ATXN2: variants seen among roughly 807,000 people sequenced by gnomAD.
The protein encoded by ATXN2 is ataxin-2.
In ATXN2, 37 loss-of-function variants were observed where a neutral mutation model predicts 138.6. The ratio of observed to expected loss-of-function variants is 0.27; its 90% CI spans 0.21 to 0.35. ATXN2 has a LOEUF of 0.35. ATXN2 is among the 10% of genes least tolerant of loss of function. ATXN2 has a pLI of 1.00. For missense variants in ATXN2, 1,216 were observed against 1,480.3 expected (o/e 0.82, Z 2.93); for synonymous variants, 549 against 543.7 (o/e 1.01, Z -0.13).
chr12:111,598,682 C>T lies in ATXN2; in HGVS notation c.251+102G>A. On this transcript the variant is annotated intron_variant, in intron 1 of 24. Coordinates refer to ENST00000673436, the MANE Select transcript of ATXN2 (RefSeq NM_001372574.1). This position sits in a 1 kb window ranked among gnomAD's most constrained non-coding sequence, Gnocchi z 4.5. Reference sequence around the variant, plus strand: ...CCCCGCGCTGCCGGCCCCCAGCCCACCCCGGGTAGCCCGGCGGGTCACGGG... The same window carrying T: ...CCCCGCGCTGCCGGCCCCCAGCCCATCCCGGGTAGCCCGGCGGGTCACGGG... The T allele has an allele frequency of 1.1e-6, 1 of 883,734 alleles. No homozygotes were observed. Among genetic ancestry groups the T allele is most frequent in the East Asian group, 8.8e-5 (1 of 11,394 alleles). 54.7% of individuals were successfully genotyped at this position (883,734 alleles called of 1,614,324 possible). A position where few individuals can be genotyped will look rare whatever the true frequency, so the allele number is the denominator to read the frequency against.
chr12:111,508,567 C>T (rs1297971495), intron 14 of ATXN2, among the ~76,000 whole-genome samples: 1 of 150,700 alleles, frequency 6.6e-6, no homozygotes, highest in Non-Finnish European at 1.5e-5. Context: ...CTGCCTCAGC[C>T]TGCCAAGTAG....
At chr12:111,560,837 G>A (rs1436672635) in intron 1 of ATXN2, among the ~76,000 whole-genome samples, 3 of 151,900 alleles carry the variant, frequency 2.0e-5, no homozygotes, top group African/African-American at 7.2e-5. Context: ...GAAATTGCTT[G>A]TATAACCAGA....
chr12:111,575,619 C>T (rs1320676821), intron 1 of ATXN2, among the ~76,000 whole-genome samples: 1 of 152,226 alleles, frequency 6.6e-6, no homozygotes, highest in East Asian at 1.9e-4. Flanking sequence ...TATACTACCA[C>T]ATAAGCTCCA....
At chr12:111,549,282 T>C (rs1181801990) in intron 5 of ATXN2, among the ~76,000 whole-genome samples, 1 of 151,938 alleles carries the variant, frequency 6.6e-6, no homozygotes, top group Non-Finnish European at 1.5e-5. Flanking sequence ...AAAAAAAATC[T>C]AGATGCAGTA....
chr12:111,554,328 T>C (rs920323458), intron 2 of ATXN2, 111 bp from the exon 3 acceptor site: 2 of 671,914 alleles, frequency 3.0e-6, no homozygotes, highest in African/African-American at 3.8e-5. Context: ...TTTTCGGATT[T>C]GGGGATATTT....
intron 5 of ATXN2, among the ~76,000 whole-genome samples, chr12:111,527,855 G>A (rs561104165): frequency 8.5e-5 from 13 of 152,288 alleles, no homozygotes; most frequent in South Asian, 2.1e-4. Flanking sequence ...CCTGAATCAC[G>A]TTCTTCTCTA....
chr12:111,597,682 A>T, intron 1 of ATXN2: 1 of 489,540 alleles, frequency 2.0e-6, no homozygotes, highest in Non-Finnish European at 3.9e-6. Context: ...AGCCGGGACA[A>T]CACTGAGCCC....
At chr12:111,590,599 C>G (rs188702040) in intron 1 of ATXN2, among the ~76,000 whole-genome samples, 1 of 151,722 alleles carries the variant, frequency 6.6e-6, no homozygotes, top group Non-Finnish European at 1.5e-5. Flanking sequence ...GCAGGAGAAT[C>G]GCTTGAACCC....
intron 14 of ATXN2, among the ~76,000 whole-genome samples, chr12:111,502,899 G>A (rs1442826747): frequency 6.6e-6 from 1 of 152,008 alleles, no homozygotes; most frequent in East Asian, 1.9e-4. Flanking sequence ...ATATCTCATC[G>A]AGCTCTCACA....
intron 5 of ATXN2, among the ~76,000 whole-genome samples, chr12:111,527,303 C>A (rs1880555961): frequency 6.6e-6 from 1 of 152,148 alleles, no homozygotes; most frequent in Admixed American, 6.5e-5. Flanking sequence ...CTGTTCCTTC[C>A]CAGTACTGTA....
intron 14 of ATXN2, among the ~76,000 whole-genome samples, chr12:111,495,804 T>C (rs1878387092): frequency 6.6e-6 from 1 of 152,118 alleles, no homozygotes; most frequent in African/African-American, 2.4e-5. Flanking sequence ...CTCCTCAACA[T>C]ATGGATTGCT....
At chr12:111,462,768 G>A (rs1402769911) in intron 21 of ATXN2, among the ~76,000 whole-genome samples, 1 of 152,154 alleles carries the variant, frequency 6.6e-6, no homozygotes, top group African/African-American at 2.4e-5. Context: ...CAGTAAGATG[G>A]TGAGGATAAC....
intron 14 of ATXN2, among the ~76,000 whole-genome samples, chr12:111,501,388 G>A (rs1050614906): frequency 6.6e-6 from 1 of 152,170 alleles, no homozygotes; most frequent in African/African-American, 2.4e-5. Context: ...CTAAGCCACA[G>A]GTTAGGACAA....
chr12:111,466,737 T>C (rs555895039), intron 20 of ATXN2, among the ~76,000 whole-genome samples: 6 of 152,312 alleles, frequency 3.9e-5, no homozygotes, highest in Non-Finnish European at 5.9e-5. Flanking sequence ...GCTATGGCTA[T>C]AACAATTAAT....
At chr12:111,522,232 A>T (rs1305219372) in intron 6 of ATXN2, among the ~76,000 whole-genome samples, 13 of 125,948 alleles carry the variant, frequency 1.0e-4, no homozygotes, top group African/African-American at 7.4e-4. Flanking sequence ...CCTACATAAA[A>T]AAAAAAAAAA....
At chr12:111,472,851 G>A (rs1247197477) in intron 18 of ATXN2, among the ~76,000 whole-genome samples, 1 of 152,140 alleles carries the variant, frequency 6.6e-6, no homozygotes, top group Non-Finnish European at 1.5e-5. Context: ...TGGGATTACA[G>A]GCGTCAGCCA....
chr12:111,541,340 A>G (rs905615748), intron 5 of ATXN2, among the ~76,000 whole-genome samples: 3 of 128,454 alleles, frequency 2.3e-5, no homozygotes, highest in African/African-American at 8.2e-5. Flanking sequence ...TGTGACAGTT[A>G]TAATTCTTTT....
chr12:111,482,526 C>T (rs1354858526), intron 18 of ATXN2, among the ~76,000 whole-genome samples: 1 of 152,018 alleles, frequency 6.6e-6, no homozygotes, highest in Non-Finnish European at 1.5e-5. Context: ...AAAGACAGTA[C>T]CTCCTGAAGT....
At chr12:111,566,797 C>T (rs1381753097) in intron 1 of ATXN2, among the ~76,000 whole-genome samples, 3 of 152,060 alleles carry the variant, frequency 2.0e-5, no homozygotes, top group African/African-American at 7.2e-5. Flanking sequence ...CCACCACATC[C>T]CCGCTAATTT....
Sources: gnomAD v4.1 joint callset for allele counts (sites outside exome capture counted in the v4.1 genomes callset) on GRCh38, gnomAD v4.1.1 for gene constraint, Gnocchi (gnomAD v3.1) non-coding constraint, MANE v1.5 for transcripts, NCBI Gene and HGNC (gene_info 2026-07-23, HGNC 2026-07-21) for gene names.